Variants in NPNT observed in about 807,000 individuals in gnomAD.
NPNT encodes the protein preosteoblast EGF-like repeat protein with MAM domain.
Under a neutral mutation model 68.6 loss-of-function variants are expected in NPNT, and 45 were observed. The ratio of observed to expected loss-of-function variants is 0.66; its 90% CI spans 0.52 to 0.84. NPNT has a LOEUF of 0.84. Ranked by LOEUF, NPNT falls within the 40% of genes least tolerant of loss-of-function variation. The pLI is 0.00. For missense variants in NPNT, 672 were observed against 714.8 expected, an observed-to-expected ratio of 0.94 and a Z score of 0.68; for synonymous variants, 233 against 253.3, an observed-to-expected ratio of 0.92 and a Z score of 0.76.
intron 10 of NPNT, among the ~76,000 whole-genome samples, chr4:105,961,933 A>G (rs566641921): frequency 3.7e-4 from 57 of 152,204 alleles, no homozygotes; most frequent in Non-Finnish European, 6.0e-4. Flanking sequence ...CAGCATTCGA[A>G]AAATTAGATT....
intron 8 of NPNT, among the ~76,000 whole-genome samples, chr4:105,943,553 T>C (rs951074167): frequency 1.3e-5 from 2 of 152,290 alleles, no homozygotes; most frequent in African/African-American, 4.8e-5. Flanking sequence ...CCAATGGAGA[T>C]AGAGGATTCA....
intron 8 of NPNT, among the ~76,000 whole-genome samples, chr4:105,949,245 G>C (rs768458277): frequency 6.6e-6 from 1 of 152,176 alleles, no homozygotes; most frequent in South Asian, 2.1e-4. Context: ...ATCTCTAAGA[G>C]AGGCATGTAA....
intron 10 of NPNT, among the ~76,000 whole-genome samples, chr4:105,965,360 C>CA (rs367576063): frequency 0.053 from 3,793 of 71,286 alleles, 169 homozygotes; most frequent in African/African-American, 0.13. Context: ...TCTTCATGGC[C>CA]AAAAAAAAAA....
chr4:105,942,665 A>G lies in NPNT; in HGVS notation c.1122A>G (p.Val374=). 6.2e-7 allele frequency: 1 copy of G among 1,613,628 alleles called. No individual in the cohort carries two copies. Among genetic ancestry groups the G allele is most frequent in the Non-Finnish European group, 8.5e-7 (1 of 1,179,768 alleles). Reference sequence around the variant, plus strand: ...GAGGGATTACAGTTGACAACAGGGTACAGACAGACCCTCAGAAACCCAGAG... The same window carrying G: ...GAGGGATTACAGTTGACAACAGGGTGCAGACAGACCCTCAGAAACCCAGAG... ...PPGGITVDNR[V]QTDPQKPRGD... The change falls in exon 8 of 12, where the codon GTA becomes GTG. Residue 374 remains valine (V), a synonymous_variant. Transcript: ENST00000379987.
chr4:105,937,256 T>G, intron 4 of NPNT, 128 bp downstream of exon 4: 1 of 831,704 alleles, frequency 1.2e-6, no homozygotes, highest in Non-Finnish European at 1.8e-6. Context: ...GTTTATACTT[T>G]TGCCTGAGGA....
intron 7 of NPNT, among the ~76,000 whole-genome samples, chr4:105,941,703 T>G (rs1247741346): frequency 1.3e-5 from 2 of 152,150 alleles, no homozygotes; most frequent in East Asian, 1.9e-4. Flanking sequence ...TTGCAACCTC[T>G]GAAAATGTCT....
At chr4:105,916,603 T>A (rs1390859772) in intron 2 of NPNT, among the ~76,000 whole-genome samples, 1 of 152,208 alleles carries the variant, frequency 6.6e-6, no homozygotes, top group Admixed American at 6.5e-5. Flanking sequence ...CTAGCCTAAA[T>A]GCCACTTTCT....
intron 2 of NPNT, among the ~76,000 whole-genome samples, chr4:105,914,380 T>A (rs1727620775): frequency 7.2e-6 from 1 of 138,454 alleles, no homozygotes; most frequent in Admixed American, 7.6e-5. Context: ...TCTCTATATA[T>A]ATAATATATA....
chr4:105,939,959 T>G, intron 5 of NPNT, 116 bp from the exon 6 acceptor site: 1 of 824,204 alleles, frequency 1.2e-6, no homozygotes, highest in Non-Finnish European at 2.0e-6. Flanking sequence ...TAGATACCGT[T>G]TATGATGAGC....
At chr4:105,932,544 C>A in intron 3 of NPNT, 1 of 1,020,840 alleles carries the variant, frequency 9.8e-7, no homozygotes, top group Non-Finnish European at 1.5e-6. Context: ...TATATACTTG[C>A]AAAGATTTTT....
intron 2 of NPNT, among the ~76,000 whole-genome samples, chr4:105,901,385 A>G (rs765775096): frequency 6.6e-6 from 1 of 152,252 alleles, no homozygotes; most frequent in African/African-American, 2.4e-5. Flanking sequence ...TCCTTAATGT[A>G]GAAAAACTAT....
At chr4:105,914,518 C>G (rs1027569255) in intron 2 of NPNT, among the ~76,000 whole-genome samples, 4 of 140,676 alleles carry the variant, frequency 2.8e-5, no homozygotes, top group African/African-American at 8.0e-5. Context: ...CCAGCTATTA[C>G]CTGCATGATC....
chr4:105,902,797 T>TA, intron 2 of NPNT: 1 of 152,262 alleles, frequency 6.6e-6, no homozygotes, highest in South Asian at 2.1e-4. Flanking sequence ...TTCAAACAGG[T>TA]AATTTGTTAG....
intron 2 of NPNT, among the ~76,000 whole-genome samples, chr4:105,921,101 T>C (rs758645943): frequency 2.0e-5 from 3 of 152,230 alleles, no homozygotes; most frequent in Non-Finnish European, 4.4e-5. Flanking sequence ...TGGTCTTAAC[T>C]GCAACTTTTC....
intron 2 of NPNT, among the ~76,000 whole-genome samples, chr4:105,923,947 T>A (rs1400842361): frequency 6.6e-6 from 1 of 152,138 alleles, no homozygotes; most frequent in Non-Finnish European, 1.5e-5. Flanking sequence ...TGTGTCAGCC[T>A]TTCTTTTGAT....
At position 105,895,564 on chromosome 4, in the gene NPNT, C is replaced by G; in HGVS notation, c.-89C>G. ...GGCGAGGGCTGGGGGTTCCTCGAGA[C>G]TCTCAGAGGGGCGCCTCCCATCGGC... On this transcript the variant is annotated 5_prime_UTR_variant, in exon 1 of 12. Coordinates refer to ENST00000379987, the MANE Select transcript of NPNT (RefSeq NM_001033047.3). 9.1e-7 allele frequency: 1 copy of G among 1,094,090 alleles called. No individual in the cohort carries two copies. Among genetic ancestry groups the G allele is most frequent in the Non-Finnish European group, 1.3e-6 (1 of 748,934 alleles). The allele number at this position is 1,094,090 out of a possible 1,614,324, so 67.8% of individuals were successfully genotyped here. A position where few individuals can be genotyped will look rare whatever the true frequency, so the allele number is the denominator to read the frequency against.
At position 105,968,887 on chromosome 4, in the gene NPNT, C is replaced by A; in HGVS notation, c.1603-8C>A. 6.4e-7 allele frequency: 1 copy of A among 1,573,158 alleles called. No individual in the cohort carries two copies. Among genetic ancestry groups the A allele is most frequent in the Non-Finnish European group, 8.7e-7 (1 of 1,143,326 alleles). On this transcript the variant is annotated splice_polypyrimidine_tract_variant and splice_region_variant and intron_variant, in intron 11 of 11. Coordinates refer to ENST00000379987, the MANE Select transcript of NPNT (RefSeq NM_001033047.3). ...GAGGCTTGACTGGTGTGTGCATTCT[C>A]TCCCTAGGTCGTCTTCAAAGGTGAA...
At chr4:105,954,171 ACCC>A in intron 8 of NPNT, among the ~76,000 whole-genome samples, 1 of 151,980 alleles carries the variant, frequency 6.6e-6, no homozygotes, top group African/African-American at 2.4e-5. Flanking sequence ...GGCTGATTTT[ACCC>A]CTGACTCCAG....
chr4:105,900,650 C>T (rs1726322751), intron 2 of NPNT, among the ~76,000 whole-genome samples: 1 of 152,128 alleles, frequency 6.6e-6, no homozygotes, highest in Non-Finnish European at 1.5e-5. Flanking sequence ...ATCCTTCCCT[C>T]TAGGACTCAG....
Sources: gnomAD v4.1 joint callset for allele counts (sites outside exome capture counted in the v4.1 genomes callset) on GRCh38, gnomAD v4.1.1 for gene constraint, MANE v1.5 for transcripts, NCBI Gene and HGNC (gene_info 2026-07-23, HGNC 2026-07-21) for gene names.